Variants in BBX observed in about 807,000 individuals in gnomAD.
BBX encodes BBX high mobility group box domain containing.
A neutral mutation model predicts 100.2 loss-of-function variants in BBX; 30 were observed. The ratio of observed to expected loss-of-function variants is 0.30; its 90% CI spans 0.22 to 0.41. BBX has a LOEUF of 0.41. Among genes scored for constraint, BBX ranks in the 10% least tolerant of loss-of-function variants. The pLI, the probability that BBX is intolerant of heterozygous loss-of-function variation, is 1.00. For missense variants in BBX, 1,023 were observed against 1,129.8 expected, an observed-to-expected ratio of 0.91 and a Z score of 1.35; for synonymous variants, 376 against 388.1, an observed-to-expected ratio of 0.97 and a Z score of 0.37.
At chr3:107,546,054 T>C (rs1461141939) in intron 2 of BBX, among the ~76,000 whole-genome samples, 2 of 152,208 alleles carry the variant, frequency 1.3e-5, no homozygotes, top group African/African-American at 4.8e-5. Context: ...AAGGTCATGC[T>C]TAACCCACTG....
intron 4 of BBX, among the ~76,000 whole-genome samples, chr3:107,714,457 C>T (rs1308357006): frequency 1.3e-5 from 2 of 152,032 alleles, no homozygotes; most frequent in East Asian, 1.9e-4. Context: ...ATCTGTTACA[C>T]GTTGAATTTT....
At chr3:107,786,039 A>T (rs2068386515) in intron 13 of BBX, among the ~76,000 whole-genome samples, 1 of 152,152 alleles carries the variant, frequency 6.6e-6, no homozygotes. Context: ...TTAAACAATG[A>T]ACAATCTAAA....
intron 5 of BBX, among the ~76,000 whole-genome samples, chr3:107,721,653 G>A (rs1037523069): frequency 6.6e-6 from 1 of 151,862 alleles, no homozygotes; most frequent in African/African-American, 2.4e-5. Context: ...TTTGCTTTTG[G>A]AATGATAATA....
chr3:107,609,058 C>T (rs560734904), intron 2 of BBX, among the ~76,000 whole-genome samples: 51 of 152,178 alleles, frequency 3.4e-4, no homozygotes, highest in Non-Finnish European at 7.2e-4. Flanking sequence ...GCCTAAGAAA[C>T]TTGTCTGATT....
chr3:107,537,799 C>G (rs778578827), intron 2 of BBX, among the ~76,000 whole-genome samples: 1 of 152,130 alleles, frequency 6.6e-6, no homozygotes, highest in Non-Finnish European at 1.5e-5. Flanking sequence ...GGACATCAGC[C>G]CAGTTTAGAT....
chr3:107,614,283 C>A (rs978350364), intron 2 of BBX, among the ~76,000 whole-genome samples: 1 of 152,046 alleles, frequency 6.6e-6, no homozygotes, highest in Admixed American at 6.6e-5. Context: ...AACTTAAAAA[C>A]CTCTAAAAAT....
intron 2 of BBX, among the ~76,000 whole-genome samples, chr3:107,543,583 T>A (rs1040235750): frequency 1.3e-5 from 2 of 152,246 alleles, no homozygotes; most frequent in African/African-American, 4.8e-5. Flanking sequence ...AAACTGTACG[T>A]GGCTTCAGTT....
intron 10 of BBX, among the ~76,000 whole-genome samples, chr3:107,759,221 A>T (rs1450239361): frequency 6.6e-6 from 1 of 152,168 alleles, no homozygotes; most frequent in African/African-American, 2.4e-5. Context: ...ATTCAGGCAT[A>T]TGATTGGCAT....
chr3:107,605,386 T>TTGC (rs397704921), intron 2 of BBX, among the ~76,000 whole-genome samples: 1 of 149,208 alleles, frequency 6.7e-6, no homozygotes, highest in African/African-American at 2.5e-5. Context: ...TTTTTTTTTT[T>TTGC]GGGGGGGGGA....
rs150097186 is a variant in BBX at position 107,629,817 on chromosome 3, G to A, written c.-83-16019G>A. ...GAACCAACCACATCTCTTCCTTATT[G>A]CTTTGTGAACGTAAGGACAGTTTCA... On this transcript the variant is annotated intron_variant, in intron 2 of 17. Transcript: ENST00000325805. Among the ~76,000 whole-genome samples, 390 of 152,218 alleles carry A rather than the reference G, an allele frequency of 2.6e-3. 3 individuals are homozygous for A. The highest frequency in any genetic ancestry group is 8.9e-3 in the African/African-American group (369 of 41,520).
intron 2 of BBX, among the ~76,000 whole-genome samples, chr3:107,558,215 G>T (rs528550006): frequency 1.3e-5 from 2 of 152,084 alleles, no homozygotes; most frequent in African/African-American, 4.8e-5. Context: ...TTGGCCGGGC[G>T]CAGTGGCTCA....
At chr3:107,787,191 T>C (rs1277257477) in intron 13 of BBX, among the ~76,000 whole-genome samples, 2 of 152,160 alleles carry the variant, frequency 1.3e-5, no homozygotes, top group African/African-American at 4.8e-5. Flanking sequence ...CTTTATTATT[T>C]CCTTTCTTCT....
At chr3:107,578,268 AGTCAGGAAGCATGTAG>A (rs1359518885) in intron 2 of BBX, among the ~76,000 whole-genome samples, 3 of 152,296 alleles carry the variant, frequency 2.0e-5, no homozygotes, top group East Asian at 3.9e-4. Context: ...TGGGGGGAGT[AGTCAGGAAGCATGTAG>A]GTGGGAAGGG....
At chr3:107,757,753 T>C (rs989019066) in intron 10 of BBX, among the ~76,000 whole-genome samples, 5 of 152,338 alleles carry the variant, frequency 3.3e-5, no homozygotes, top group Non-Finnish European at 4.4e-5. Flanking sequence ...TATTCATTTT[T>C]CATTCACAAA....
intron 2 of BBX, among the ~76,000 whole-genome samples, chr3:107,559,657 GCAGT>G (rs1559810844): frequency 6.6e-6 from 1 of 152,182 alleles, no homozygotes; most frequent in Non-Finnish European, 1.5e-5. Context: ...CATTGTAGAG[GCAGT>G]CATTGAAAGC....
At chr3:107,701,638 C>T (rs1576411725) in intron 3 of BBX, among the ~76,000 whole-genome samples, 1 of 152,134 alleles carries the variant, frequency 6.6e-6, no homozygotes, top group Non-Finnish European at 1.5e-5. Context: ...AATATGTATT[C>T]AACTGCATTG....
intron 3 of BBX, among the ~76,000 whole-genome samples, chr3:107,698,307 T>A (rs2060798522): frequency 6.6e-6 from 1 of 151,648 alleles, no homozygotes; most frequent in South Asian, 2.1e-4. Context: ...TTAGATGAAA[T>A]TTAATATATA....
intron 3 of BBX, among the ~76,000 whole-genome samples, chr3:107,678,646 C>G (rs1448182545): frequency 1.3e-5 from 2 of 151,976 alleles, no homozygotes; most frequent in Non-Finnish European, 1.5e-5. Context: ...ATCACTTGAG[C>G]CCAGAAGGTC....
chr3:107,691,168 A>G (rs1323467318), intron 3 of BBX, among the ~76,000 whole-genome samples: 1 of 152,032 alleles, frequency 6.6e-6, no homozygotes, highest in Non-Finnish European at 1.5e-5. Flanking sequence ...TTGACCTAAC[A>G]TAGTGCTGGG....
Sources: gnomAD v4.1 joint callset for allele counts (sites outside exome capture counted in the v4.1 genomes callset) on GRCh38, gnomAD v4.1.1 for gene constraint, MANE v1.5 for transcripts, NCBI Gene and HGNC (gene_info 2026-07-23, HGNC 2026-07-21) for gene names.